The following HCN1 variants were observed in gnomAD, a reference collection of about 807,000 sequenced individuals.
HCN1 encodes the protein potassium/sodium hyperpolarization-activated cyclic nucleotide-gated channel 1.
In HCN1, 13 loss-of-function variants were observed where a neutral mutation model predicts 78.9. The observed-to-expected ratio is 0.16, with a 90% CI of 0.11 to 0.26. The LOEUF is 0.26. Among genes scored for constraint, HCN1 ranks in the 10% least tolerant of loss-of-function variants. The pLI is 1.00. For synonymous variants in HCN1, 552 were observed against 455.5 expected, an observed-to-expected ratio of 1.21 and a Z score of -2.70; for missense variants, 810 against 1,154.3, an observed-to-expected ratio of 0.70 and a Z score of 4.32.
Position 45,327,964 on chromosome 5 carries a change from G to A in HCN1, c.1378-24125C>T, listed in dbSNP as rs1022555894. On this transcript the variant is annotated intron_variant, in intron 5 of 7. Transcript: ENST00000303230. ...CCAGTTTGTGGTATTTTGTCATGGC[G>A]TCCCTAAAAAACTAATACAGCAAGT... Among the ~76,000 whole-genome samples the A allele has an allele frequency of 4.6e-5, 7 of 151,654 alleles. No individual in the cohort carries two copies. In the East Asian group the frequency reaches 1.4e-3, roughly 30 times the overall value.
At chr5:45,482,838 TGTAA>T (rs1358267599) in intron 2 of HCN1, among the ~76,000 whole-genome samples, 10 of 152,184 alleles carry the variant, frequency 6.6e-5, no homozygotes, top group African/African-American at 2.2e-4. Context: ...AGCTCCCACT[TGTAA>T]GTGAGAACAT....
In HCN1 at chr5:45,696,139, G is replaced by A. The variant is rs1225651147; in HGVS notation, c.-46C>T. 8.1e-7 allele frequency: 1 copy of A among 1,231,828 alleles called. No individual in the cohort carries two copies. Among genetic ancestry groups the A allele is most frequent in the Non-Finnish European group, 1.0e-6 (1 of 969,412 alleles). The allele number at this position is 1,231,828 out of a possible 1,614,324, so 76.3% of individuals were successfully genotyped here. The stretch of plus-strand genomic sequence containing the variant: ...GACGGCGCGGGCTCCAGACTCGCCG[G>A]CCGCCCGGCGCCGGAGACACGTAGC... On this transcript the variant is annotated 5_prime_UTR_variant, in exon 1 of 8. Coordinates refer to ENST00000303230, the MANE Select transcript of HCN1 (RefSeq NM_021072.4).
At chr5:45,348,154 A>C (rs1746791576) in intron 5 of HCN1, among the ~76,000 whole-genome samples, 1 of 152,230 alleles carries the variant, frequency 6.6e-6, no homozygotes, top group Non-Finnish European at 1.5e-5. Context: ...CCATCAGACT[A>C]ACAGCAGATC....
Position 45,631,683 on chromosome 5 carries a change from C to G in HCN1, c.849+13502G>C, listed in dbSNP as rs982879961. ...CTCCAAGGAAACTCTCTCCCAAATT[C>G]TATGAAATCTTTGTATTATTTTGTA... On this transcript the variant is annotated intron_variant, in intron 2 of 7. Coordinates refer to ENST00000303230, the MANE Select transcript of HCN1 (RefSeq NM_021072.4). Among the ~76,000 whole-genome samples, 3 of 152,106 alleles carry G rather than the reference C, an allele frequency of 2.0e-5. No homozygotes were observed. In the East Asian group the frequency reaches 5.8e-4, roughly 29 times the overall value.
intron 5 of HCN1, among the ~76,000 whole-genome samples, chr5:45,315,624 G>A (rs1396730422): frequency 1.3e-5 from 2 of 152,078 alleles, no homozygotes; most frequent in Non-Finnish European, 2.9e-5. Context: ...ATGAATCCAG[G>A]AGCTGGTTTT....
At chr5:45,357,343 C>A (rs941430376) in intron 4 of HCN1, among the ~76,000 whole-genome samples, 3 of 152,012 alleles carry the variant, frequency 2.0e-5, no homozygotes, top group African/African-American at 4.8e-5. Flanking sequence ...GAATTTGATT[C>A]TCTATGCTGG....
chr5:45,315,759 A>G (rs938272459), intron 5 of HCN1, among the ~76,000 whole-genome samples: 3 of 152,202 alleles, frequency 2.0e-5, no homozygotes, highest in African/African-American at 4.8e-5. Flanking sequence ...AGAAATACAG[A>G]CTACCATCAG....
At chr5:45,302,532 T>A (rs1011623739) in intron 6 of HCN1, among the ~76,000 whole-genome samples, 1 of 152,088 alleles carries the variant, frequency 6.6e-6, no homozygotes, top group African/African-American at 2.4e-5. Context: ...CAATTTGGTG[T>A]TATTTGCCTA....
intron 2 of HCN1, among the ~76,000 whole-genome samples, chr5:45,511,308 T>G (rs1742411555): frequency 6.6e-6 from 1 of 152,052 alleles, no homozygotes; most frequent in Admixed American, 6.6e-5. Context: ...TCCAAATAAG[T>G]TACGTAGGTA....
intron 1 of HCN1, among the ~76,000 whole-genome samples, chr5:45,647,283 A>T (rs1222941072): frequency 1.3e-5 from 2 of 152,190 alleles, no homozygotes; most frequent in Non-Finnish European, 2.9e-5. Context: ...AATGCAAAAT[A>T]TACCATTCAA....
intron 2 of HCN1, among the ~76,000 whole-genome samples, chr5:45,568,750 A>T (rs779665051): frequency 6.6e-6 from 1 of 152,118 alleles, no homozygotes; most frequent in Non-Finnish European, 1.5e-5. Context: ...ACTTATTCAA[A>T]CCACTAGGTT....
intron 2 of HCN1, among the ~76,000 whole-genome samples, chr5:45,616,283 C>T (rs1170051352): frequency 5.3e-5 from 8 of 151,866 alleles, no homozygotes; most frequent in Admixed American, 5.3e-4. Context: ...ACCCAACTTT[C>T]AGGAAACGAA....
chr5:45,388,951 G>A (rs977041171), intron 4 of HCN1, among the ~76,000 whole-genome samples: 1 of 152,078 alleles, frequency 6.6e-6, no homozygotes, highest in African/African-American at 2.4e-5. Flanking sequence ...ACTGTGTAAC[G>A]CCAAAGAAGA....
At chr5:45,507,322 T>A (rs776178089) in intron 2 of HCN1, among the ~76,000 whole-genome samples, 1 of 152,166 alleles carries the variant, frequency 6.6e-6, no homozygotes, top group Non-Finnish European at 1.5e-5. Context: ...AATTCATCAC[T>A]GCTATACACA....
At chr5:45,358,409 C>A (rs1386604660) in intron 4 of HCN1, among the ~76,000 whole-genome samples, 1 of 152,082 alleles carries the variant, frequency 6.6e-6, no homozygotes, top group Non-Finnish European at 1.5e-5. Context: ...TCATCCCAAT[C>A]CTTAAGACAT....
chr5:45,567,672 T>C (rs1440678541), intron 2 of HCN1, among the ~76,000 whole-genome samples: 1 of 149,976 alleles, frequency 6.7e-6, no homozygotes, highest in East Asian at 2.0e-4. Flanking sequence ...TTTCAAAAAG[T>C]GCCCTTTGGA....
In HCN1 at chr5:45,431,521, A is replaced by G. The variant is rs541656832; in HGVS notation, c.1011+30325T>C. Among the ~76,000 whole-genome samples, 7 of 152,282 alleles carry G rather than the reference A, an allele frequency of 4.6e-5. No individual in the cohort carries two copies. The South Asian group carries it at 1.5e-3, about 32-fold the overall frequency. On this transcript the variant is annotated intron_variant, in intron 3 of 7. Transcript: ENST00000303230. ...GAAATATTTGCTGGTTCCTATGTCC[A>G]GAATGGTATTTCCTAGGTTATCTTC...
chr5:45,286,912 T>C (rs774068812), intron 6 of HCN1, among the ~76,000 whole-genome samples: 1 of 151,994 alleles, frequency 6.6e-6, no homozygotes, highest in Non-Finnish European at 1.5e-5. Flanking sequence ...TACTTTATTA[T>C]TTTTTGCTGA....
At chr5:45,372,107 T>C (rs1304994676) in intron 4 of HCN1, among the ~76,000 whole-genome samples, 2 of 62,602 alleles carry the variant, frequency 3.2e-5, no homozygotes, top group Non-Finnish European at 5.1e-5. Flanking sequence ...ATTTTATATA[T>C]AATATAATTA....
Sources: allele counts gnomAD v4.1 joint callset (sites outside exome capture counted in the v4.1 genomes callset), GRCh38; gene constraint gnomAD v4.1.1; transcripts MANE v1.5; gene names NCBI Gene and HGNC (gene_info 2026-07-23, HGNC 2026-07-21).